Variants in IGF2BP2 observed in about 807,000 individuals in gnomAD.
IGF2BP2 encodes the protein insulin like growth factor 2 mRNA binding protein 2, also known as insulin-like growth factor 2 mRNA-binding protein 2.
IGF2BP2 carries 17 observed loss-of-function variants against 75.8 expected under a neutral mutation model. The ratio of observed to expected loss-of-function variants is 0.22; its 90% CI spans 0.15 to 0.34. The LOEUF (loss-of-function observed/expected upper bound fraction) is 0.34. Ranked by LOEUF, IGF2BP2 falls within the 10% of genes least tolerant of loss-of-function variation. IGF2BP2 has a pLI of 1.00. For synonymous variants in IGF2BP2, 288 were observed against 295.6 expected (o/e 0.97, Z 0.26); for missense variants, 516 against 772.4 (o/e 0.67, Z 3.93).
intron 2 of IGF2BP2, among the ~76,000 whole-genome samples, chr3:185,733,910 A>C (rs1195042080): frequency 6.6e-6 from 1 of 152,232 alleles, no homozygotes; most frequent in Admixed American, 6.5e-5. Context: ...GAAAAATTAA[A>C]AACTGGGTAA....
At chr3:185,677,044 G>GAT (rs1164588813) in intron 7 of IGF2BP2, among the ~76,000 whole-genome samples, 1,064 of 23,736 alleles carry the variant, frequency 0.045, 50 homozygotes, top group African/African-American at 0.056. Context: ...TATATATGGA[G>GAT]ATATATATAT....
At chr3:185,748,196 G>A (rs1041962621) in intron 2 of IGF2BP2, among the ~76,000 whole-genome samples, 1 of 152,128 alleles carries the variant, frequency 6.6e-6, no homozygotes, top group African/African-American at 2.4e-5. Context: ...GAGCCACCAT[G>A]CCCGGCCACC....
intron 10 of IGF2BP2, among the ~76,000 whole-genome samples, chr3:185,663,129 T>G (rs1264432361): frequency 6.6e-6 from 1 of 152,222 alleles, no homozygotes; most frequent in African/African-American, 2.4e-5. Context: ...TCATCTGACA[T>G]CTGGTTCAAG....
chr3:185,761,295 T>G (rs957773428), intron 2 of IGF2BP2, among the ~76,000 whole-genome samples: 1 of 152,178 alleles, frequency 6.6e-6, no homozygotes, highest in African/African-American at 2.4e-5. Flanking sequence ...GAAGGAAATG[T>G]TAGTGATTCA....
intron 15 of IGF2BP2, 106 bp downstream of exon 15, chr3:185,646,906 GGTTCCATCTTGGC>G (rs1475022685): frequency 2.3e-5 from 17 of 733,962 alleles, no homozygotes; most frequent in Non-Finnish European, 4.1e-5. Flanking sequence ...ACCAGGGAGA[GGTTCCATCTTGGC>G]GTGGATTGAT....
At chr3:185,665,266 GAGGAGGAGAAGGAGAAGAAGAAGA>G (rs1560250155) in intron 10 of IGF2BP2, among the ~76,000 whole-genome samples, 5 of 140,396 alleles carry the variant, frequency 3.6e-5, no homozygotes, top group Non-Finnish European at 7.7e-5. Flanking sequence ...GGAGGAGGAG[GAGGAGGAGAAGGAGAAGAAGAAGA>G]AGGAGGAGAA....
At chr3:185,696,582 C>T in intron 4 of IGF2BP2, 30 bp downstream of exon 4, 3 of 1,602,810 alleles carry the variant, frequency 1.9e-6, no homozygotes, top group Non-Finnish European at 2.6e-6. Flanking sequence ...TATCTCTCTC[C>T]AAAACCCAAA....
chr3:185,806,163 T>C (rs1738998223), intron 2 of IGF2BP2, among the ~76,000 whole-genome samples: 3 of 152,130 alleles, frequency 2.0e-5, no homozygotes, highest in Admixed American at 2.0e-4. Flanking sequence ...GAGTTCTCTC[T>C]AAACTCCCTG....
intron 2 of IGF2BP2, among the ~76,000 whole-genome samples, chr3:185,811,830 GTCTCTCTCTCTCTCTCTCTCTCTC>G (rs58208457): frequency 8.3e-6 from 1 of 120,808 alleles, no homozygotes; most frequent in East Asian, 2.5e-4. Flanking sequence ...AGAGTAGGGT[GTCTCTCTCTCTCTCTCTCTCTCTC>G]TCTCTCTCTC....
chr3:185,774,517 C>T (rs982923895), intron 2 of IGF2BP2, among the ~76,000 whole-genome samples: 2 of 151,700 alleles, frequency 1.3e-5, no homozygotes, highest in Non-Finnish European at 2.9e-5. Context: ...ATGGAGTGAA[C>T]CCTGGAGGCA....
intron 2 of IGF2BP2, chr3:185,722,049 T>G: frequency 3.5e-6 from 1 of 284,832 alleles, no homozygotes; most frequent in Non-Finnish European, 6.9e-6. Context: ...CACGGGATCT[T>G]CCTGCCTTAG....
At chr3:185,678,252 C>T (rs2149258820) in intron 7 of IGF2BP2, among the ~76,000 whole-genome samples, 1 of 152,294 alleles carries the variant, frequency 6.6e-6, no homozygotes, top group South Asian at 2.1e-4. Flanking sequence ...ACACTATCTG[C>T]AGATTTCTTA....
At chr3:185,703,903 C>T (rs560655742) in intron 2 of IGF2BP2, among the ~76,000 whole-genome samples, 13 of 152,180 alleles carry the variant, frequency 8.5e-5, no homozygotes, top group Non-Finnish European at 5.9e-5. Context: ...AACTCTAAAC[C>T]AAGCCTTGGT....
rs567498153 is a variant in IGF2BP2 at position 185,660,086 on chromosome 3, C to T, written c.1201-1677G>A. Among the ~76,000 whole-genome samples, 7 of 152,310 alleles carry T rather than the reference C, an allele frequency of 4.6e-5. No homozygotes were observed. The South Asian group carries it at 6.2e-4, about 14-fold the overall frequency. Reference sequence around the variant, plus strand: ...TGCTGAGGTTACAGGCGTGAACCACCGCGCCCGGTCTGATATATTCTTACA... The same window carrying T: ...TGCTGAGGTTACAGGCGTGAACCACTGCGCCCGGTCTGATATATTCTTACA... On this transcript the variant is annotated intron_variant, in intron 10 of 15. Coordinates refer to ENST00000382199, the MANE Select transcript of IGF2BP2 (RefSeq NM_006548.6).
At chr3:185,665,449 G>GAGGAGA (rs1717314304) in intron 10 of IGF2BP2, among the ~76,000 whole-genome samples, 2 of 113,428 alleles carry the variant, frequency 1.8e-5, no homozygotes, top group Admixed American at 1.8e-4. Flanking sequence ...GAAGGAGGAG[G>GAGGAGA]AGGAGGAGAA....
chr3:185,679,528 T>C (rs1200694564), intron 7 of IGF2BP2, among the ~76,000 whole-genome samples: 1 of 152,242 alleles, frequency 6.6e-6, no homozygotes, highest in Admixed American at 6.5e-5. Flanking sequence ...TGTTAATATT[T>C]ACCCTTACCA....
intron 2 of IGF2BP2, among the ~76,000 whole-genome samples, chr3:185,740,650 T>C (rs1336104607): frequency 6.6e-6 from 1 of 152,238 alleles, no homozygotes; most frequent in Non-Finnish European, 1.5e-5. Flanking sequence ...TCCTTTGAGC[T>C]ACTCTTATCA....
intron 10 of IGF2BP2, among the ~76,000 whole-genome samples, chr3:185,665,123 C>G (rs971811932): frequency 3.4e-5 from 5 of 147,264 alleles, no homozygotes; most frequent in African/African-American, 1.3e-4. Flanking sequence ...TGGGATCACA[C>G]CACTGCACTC....
chr3:185,643,779 C>CTTTTTTTTTTTTTTTTT lies in IGF2BP2; in HGVS notation c.*1735_*1751dup, dbSNP rs933340628. ...ATATTTCTGTTTTTTCTTTTTTTTTCTTTTTTTTTTTTTTTTTTTTGTCAC... is the reference window on the plus strand; with the variant it reads ...ATATTTCTGTTTTTTCTTTTTTTTTCTTTTTTTTTTTTTTTTTTTTTTTTTTTTTTTTTTTTTGTCAC... On this transcript the variant is annotated 3_prime_UTR_variant, in exon 16 of 16. Coordinates refer to ENST00000382199, the MANE Select transcript of IGF2BP2 (RefSeq NM_006548.6). 1.3e-4 allele frequency: 15 copies of CTTTTTTTTTTTTTTTTT among 111,968 alleles called. No individual in the cohort carries two copies. The highest frequency in any genetic ancestry group is 2.6e-4 in the East Asian group (1 of 3,880). 6.9% of individuals were successfully genotyped at this position (111,968 alleles called of 1,614,324 possible).
Sources: gnomAD v4.1 joint callset for allele counts (sites outside exome capture counted in the v4.1 genomes callset) on GRCh38, gnomAD v4.1.1 for gene constraint, MANE v1.5 for transcripts, NCBI Gene and HGNC (gene_info 2026-07-23, HGNC 2026-07-21) for gene names.